Variants in PBRM1 observed in about 807,000 individuals in gnomAD.
PBRM1 encodes the protein protein polybromo-1.
PBRM1 carries 27 observed loss-of-function variants against 194.5 expected under a neutral mutation model. That is an observed-to-expected ratio of 0.14 (90% CI 0.10 to 0.19). The LOEUF (loss-of-function observed/expected upper bound fraction) is 0.19. Ranked by LOEUF, PBRM1 falls within the 10% of genes least tolerant of loss-of-function variation. PBRM1 has a pLI of 1.00. For synonymous variants in PBRM1, 655 were observed against 693.2 expected (o/e 0.94, Z 0.87); for missense variants, 1,466 against 2,077.2 (o/e 0.71, Z 5.72).
chr3:52,669,379 T>A (rs936599950), intron 2 of PBRM1, among the ~76,000 whole-genome samples: 3 of 152,216 alleles, frequency 2.0e-5, no homozygotes, highest in Non-Finnish European at 4.4e-5. Context: ...AGTAATTTCC[T>A]TCTTTAATTC....
intron 15 of PBRM1, among the ~76,000 whole-genome samples, chr3:52,612,828 C>G (rs1440845330): frequency 1.3e-5 from 2 of 151,440 alleles, no homozygotes; most frequent in African/African-American, 4.9e-5. Context: ...ATTGGGGGAA[C>G]CCAGGAGACG....
At chr3:52,598,565 T>C (rs889379433) in intron 17 of PBRM1, among the ~76,000 whole-genome samples, 1 of 152,242 alleles carries the variant, frequency 6.6e-6, no homozygotes, top group Non-Finnish European at 1.5e-5. Context: ...TGGATGAATA[T>C]ACCACTTTTT....
chr3:52,655,976 C>T (rs190727505), intron 5 of PBRM1, among the ~76,000 whole-genome samples: 297 of 152,232 alleles, frequency 2.0e-3, no homozygotes, highest in Admixed American at 2.8e-3. Flanking sequence ...CAGTCACTGT[C>T]CTCAAGAAAT....
chr3:52,601,186 A>G (rs1432937671), intron 17 of PBRM1, among the ~76,000 whole-genome samples: 1 of 152,206 alleles, frequency 6.6e-6, no homozygotes, highest in African/African-American at 2.4e-5. Context: ...TTTGTACAGT[A>G]GTGTAATCTC....
At chr3:52,640,848 A>T (rs539063324) in intron 10 of PBRM1, among the ~76,000 whole-genome samples, 53 of 152,098 alleles carry the variant, frequency 3.5e-4, no homozygotes, top group African/African-American at 1.2e-3. Flanking sequence ...CATGTTGGCC[A>T]GGCTGGTCTT....
Position 52,581,638 on chromosome 3 carries a change from G to C in PBRM1, c.3388-2439C>G, listed in dbSNP as rs74283387. Among the ~76,000 whole-genome samples the C allele has an allele frequency of 1.7e-3, 260 of 150,594 alleles. 5 individuals are homozygous for C. In the East Asian group the frequency reaches 0.045, roughly 26 times the overall value. Reference sequence around the variant, plus strand: ...TTTAAGGAATGGGTTCTATTCTAAAGTAATTCTTTTTTTTTTTTGATACGG... The same window carrying C: ...TTTAAGGAATGGGTTCTATTCTAAACTAATTCTTTTTTTTTTTTGATACGG... On this transcript the variant is annotated intron_variant, in intron 20 of 29. Transcript: ENST00000296302.
intron 12 of PBRM1, 57 bp from the exon 14 acceptor site, chr3:52,627,427 T>G (rs2095481425): frequency 3.0e-6 from 3 of 992,864 alleles, no homozygotes; most frequent in Non-Finnish European, 4.8e-6. Context: ...CCTCTGAATA[T>G]ATGAATGTTA....
At position 52,576,627 on chromosome 3, in the gene PBRM1, G is replaced by A. The variant is rs764361753; in HGVS notation, c.3605C>T (p.Thr1202Ile). ...GAACATTTTTGTGGGCTCATGCTCTGTTTCTTCTGGGTGAATGAAGATGGG... is the reference window on the plus strand; with the variant it reads ...GAACATTTTTGTGGGCTCATGCTCTATTTCTTCTGGGTGAATGAAGATGGG... The change falls in exon 22 of 30, where the codon ACA becomes ATA. Residue 1202 changes from threonine (T) to isoleucine (I), a missense_variant. Transcript: ENST00000296302. The A allele has an allele frequency of 1.6e-5, 25 of 1,608,962 alleles. No homozygotes were observed. In the South Asian group the frequency reaches 2.7e-4, roughly 17 times the overall value.
exon 20 of PBRM1, chr3:52,586,479 C>A (rs2092408063): frequency 6.2e-7 from 1 of 1,614,076 alleles, no homozygotes; most frequent in African/African-American, 1.3e-5. Context: ...TGTCTGTATT[C>A]TTCTCATCAT....
intron 10 of PBRM1, among the ~76,000 whole-genome samples, chr3:52,641,601 T>TA (rs1312927344): frequency 6.6e-6 from 1 of 151,744 alleles, no homozygotes; most frequent in African/African-American, 2.4e-5. Flanking sequence ...AAGAAGAAAT[T>TA]AGAGCATACT....
chr3:52,650,294 T>C (rs1577576560), intron 6 of PBRM1, among the ~76,000 whole-genome samples: 1 of 132,200 alleles, frequency 7.6e-6, no homozygotes, highest in African/African-American at 3.0e-5. Context: ...GTCCAAGAGG[T>C]GGAGGTTTGC....
In PBRM1 at chr3:52,613,848, A is replaced by C. The variant is rs182169263; in HGVS notation, c.1924+1503T>G. On this transcript the variant is annotated intron_variant, in intron 15 of 29. Coordinates refer to ENST00000296302, the Ensembl canonical transcript of PBRM1. ...CTATTAATTTAAAACAAACAAACAA[A>C]CAAAAGAAATAAAAAGGAAATTAAC... Among the ~76,000 whole-genome samples, 3 of 152,146 alleles carry C rather than the reference A, an allele frequency of 2.0e-5. No homozygotes were observed. The East Asian group carries it at 5.8e-4, about 30-fold the overall frequency.
chr3:52,573,392 C>G (rs2088156537), intron 22 of PBRM1, among the ~76,000 whole-genome samples: 1 of 152,102 alleles, frequency 6.6e-6, no homozygotes, highest in African/African-American at 2.4e-5. Context: ...CTCTCGGGTT[C>G]AAACAATTCT....
intron 10 of PBRM1, among the ~76,000 whole-genome samples, chr3:52,637,549 CT>C (rs1164645413): frequency 6.6e-6 from 1 of 151,912 alleles, no homozygotes; most frequent in Non-Finnish European, 1.5e-5. Context: ...GGAAAGATTG[CT>C]TGAGCCTCGG....
At chr3:52,638,284 CT>C (rs2095905931) in intron 10 of PBRM1, among the ~76,000 whole-genome samples, 1 of 151,894 alleles carries the variant, frequency 6.6e-6, no homozygotes, top group African/African-American at 2.4e-5. Context: ...TTTCTATTCT[CT>C]GCATGAGTTT....
chr3:52,653,572 A>G (rs1410373833), intron 5 of PBRM1, among the ~76,000 whole-genome samples: 1 of 133,212 alleles, frequency 7.5e-6, no homozygotes, highest in Admixed American at 7.7e-5. Context: ...CTGGGCAAGA[A>G]GAGCAGAATT....
intron 4 of PBRM1, among the ~76,000 whole-genome samples, chr3:52,660,068 G>C (rs568635623): frequency 1.3e-5 from 2 of 152,308 alleles, no homozygotes; most frequent in Non-Finnish European, 2.9e-5. Flanking sequence ...TCCAGCCTGG[G>C]CCAAAGAGCA....
chr3:52,550,860 G>C (rs2080805563), intron 27 of PBRM1, 43 bp from the exon 30 acceptor site: 7 of 1,267,122 alleles, frequency 5.5e-6, no homozygotes, highest in Non-Finnish European at 6.9e-6. Flanking sequence ...GCTCTGGGTT[G>C]AAATGACTGA....
chr3:52,591,170 G>C (rs1417193921), intron 17 of PBRM1, among the ~76,000 whole-genome samples: 1 of 152,152 alleles, frequency 6.6e-6, no homozygotes, highest in East Asian at 1.9e-4. Flanking sequence ...GAGACTATGG[G>C]TTTATTAGAT....
Sources: allele counts gnomAD v4.1 joint callset (sites outside exome capture counted in the v4.1 genomes callset), GRCh38; gene constraint gnomAD v4.1.1; transcripts MANE v1.5; gene names NCBI Gene and HGNC (gene_info 2026-07-23, HGNC 2026-07-21).